ADPRM: variants seen among roughly 807,000 people sequenced by gnomAD.
The protein encoded by ADPRM is ADP-ribose/CDP-alcohol diphosphatase, manganese dependent.
ADPRM carries 17 observed loss-of-function variants against 27.2 expected under a neutral mutation model. That is an observed-to-expected ratio of 0.63 (90% CI 0.43 to 0.94). The LOEUF (loss-of-function observed/expected upper bound fraction) is 0.94. Among genes scored for constraint, ADPRM ranks in the 40% least tolerant of loss-of-function variants. The probability of loss-of-function intolerance (pLI) is 0.00; values close to 1 mark genes in which losing one functional copy is unlikely to be tolerated. For synonymous variants in ADPRM, 135 were observed against 145.3 expected, an observed-to-expected ratio of 0.93 and a Z score of 0.51; for missense variants, 337 against 412.8, an observed-to-expected ratio of 0.82 and a Z score of 1.59.
intron 1 of ADPRM, among the ~76,000 whole-genome samples, chr17:10,701,512 G>A (rs891325635): frequency 1.3e-5 from 2 of 151,708 alleles, no homozygotes; most frequent in African/African-American, 4.8e-5. Context: ...TGTATTTTTA[G>A]TAGAGATGGG....
chr17:10,710,333 C>T (rs1313126830), intron 3 of ADPRM, among the ~76,000 whole-genome samples: 2 of 152,204 alleles, frequency 1.3e-5, no homozygotes, highest in African/African-American at 2.4e-5. Flanking sequence ...AACTCCTGAC[C>T]TCAGGTGATC....
chr17:10,705,265 C>A lies in ADPRM; in HGVS notation c.339C>A (p.Phe113Leu). 6.2e-7 allele frequency: 1 copy of A among 1,614,016 alleles called. No individual in the cohort carries two copies. Residue 113 changes from phenylalanine (F) to leucine (L), a missense_variant, in exon 2 of 4, where the codon TTC (phenylalanine) becomes TTA (leucine). Coordinates refer to ENST00000379774, the MANE Select transcript of ADPRM (RefSeq NM_020233.5). The surrounding 1 kb of genome is among the most constrained non-coding windows in gnomAD (Gnocchi z 5.4). ...ATCATACATGGGGAAACCATGAATT[C>A]TATAACTTCAGTAGAGAGTATTTAA... ...PVHHTWGNHE[F>L]YNFSREYLTH... is the part of the protein sequence containing the mutation.
At chr17:10,706,080 A>T (rs576148228) in intron 2 of ADPRM, among the ~76,000 whole-genome samples, 1 of 152,220 alleles carries the variant, frequency 6.6e-6, no homozygotes, top group East Asian at 1.9e-4. Context: ...CTGCAAAGGC[A>T]CTAAATGGAG....
intron 3 of ADPRM, 47 bp from the exon 4 acceptor site, chr17:10,710,787 A>C (rs755015792): frequency 1.3e-6 from 2 of 1,533,128 alleles, no homozygotes; most frequent in Non-Finnish European, 1.8e-6. Flanking sequence ...TTTATAGAAG[A>C]GATATTTCTT....
At position 10,711,302 on chromosome 17, in the gene ADPRM, T is replaced by G; in HGVS notation, c.*158T>G. ...TGGTTGATAAAATACTCAGAAATGT[T>G]ATTTTGGATCATGTATCCATTGTAA... is the stretch of plus-strand genomic sequence containing the variant. On this transcript the variant is annotated 3_prime_UTR_variant, in exon 4 of 4. Transcript: ENST00000379774. 1 of 674,860 alleles carries G rather than the reference T, an allele frequency of 1.5e-6. No individual in the cohort carries two copies. The highest frequency in any genetic ancestry group is 2.0e-5 in the South Asian group (1 of 49,454). 41.8% of individuals were successfully genotyped at this position (674,860 alleles called of 1,614,324 possible).
intron 3 of ADPRM, 60 bp from the exon 4 acceptor site, chr17:10,710,774 A>G: frequency 1.3e-6 from 2 of 1,493,090 alleles, no homozygotes; most frequent in South Asian, 1.2e-5. Flanking sequence ...TTAGCCATTT[A>G]TTTTTATAGA....
At chr17:10,709,838 G>A (rs2074839537) in intron 3 of ADPRM, among the ~76,000 whole-genome samples, 1 of 152,226 alleles carries the variant, frequency 6.6e-6, no homozygotes, top group Admixed American at 6.5e-5. Flanking sequence ...AACGTGAGCT[G>A]TACTTCAGAG....
intron 1 of ADPRM, among the ~76,000 whole-genome samples, chr17:10,699,939 T>C (rs1323954491): frequency 6.6e-6 from 1 of 152,194 alleles, no homozygotes; most frequent in East Asian, 1.9e-4. Context: ...TTTAGGCTGG[T>C]TTGACTGGGG....
At chr17:10,697,704 C>T (rs1472010985) in intron 1 of ADPRM, 37 bp downstream of exon 1, 3 of 715,200 alleles carry the variant, frequency 4.2e-6, no homozygotes, top group South Asian at 1.7e-5. Flanking sequence ...GGGTCTGGCG[C>T]GGGCTGGGCG....
intron 1 of ADPRM, among the ~76,000 whole-genome samples, chr17:10,700,766 GAAA>G (rs571890298): frequency 8.9e-6 from 1 of 112,288 alleles, no homozygotes; most frequent in Non-Finnish European, 1.9e-5. Flanking sequence ...CCTGTCTCAG[GAAA>G]AAAAAAAAAA....
chr17:10,702,473 A>G lies in ADPRM; in HGVS notation c.-17-2437A>G, dbSNP rs997757553. ...TGTGTAACTAAATGACCAGTGTTCT[A>G]GCAGGGACAGGTGAATTTAGGTATT... On this transcript the variant is annotated intron_variant, in intron 1 of 3. Coordinates refer to ENST00000379774, the MANE Select transcript of ADPRM (RefSeq NM_020233.5). The surrounding 1 kb of genome is among the most constrained non-coding windows in gnomAD (Gnocchi z 4.2). Among the ~76,000 whole-genome samples, 7 of 152,246 alleles carry G rather than the reference A, an allele frequency of 4.6e-5. No homozygotes were observed. Among genetic ancestry groups the G allele is most frequent in the Non-Finnish European group, 1.0e-4 (7 of 68,038 alleles).
intron 1 of ADPRM, 50 bp from the exon 2 acceptor site, chr17:10,704,860 G>A: frequency 7.3e-7 from 1 of 1,368,376 alleles, no homozygotes; most frequent in Non-Finnish European, 9.9e-7. Context: ...AAGTGAAATT[G>A]GGAAATTAAA....
rs2074849960 is a variant in ADPRM at position 10,711,023 on chromosome 17, C to T, written c.908C>T (p.Ala303Val). 1 of 1,614,132 alleles carries T rather than the reference C, an allele frequency of 6.2e-7. No individual in the cohort carries two copies. The highest frequency in any genetic ancestry group is 1.1e-5 in the South Asian group (1 of 91,084). Residue 303 changes from alanine to valine, a missense_variant, in exon 4 of 4, where the codon GCT (alanine) becomes GTT (valine). Ala to Val is a moderately conservative substitution (Grantham distance 64, BLOSUM62 0). Transcript: ENST00000379774. ...AACCTAGAAGGAGTTATTGAAACAG[C>T]TCCAGACAGCCAAGCCTTTGGCACA... ...HVNLEGVIET[A>V]PDSQAFGTVH... is the part of the protein sequence containing the mutation.
intron 1 of ADPRM, among the ~76,000 whole-genome samples, chr17:10,698,561 T>C (rs1358475010): frequency 6.6e-6 from 1 of 152,176 alleles, no homozygotes; most frequent in Non-Finnish European, 1.5e-5. Context: ...TTTTCCCCCA[T>C]GGGACCGACT....
chr17:10,710,732 CA>C (rs1219785756), intron 3 of ADPRM, 101 bp from the exon 4 acceptor site: 21 of 1,020,166 alleles, frequency 2.1e-5, no homozygotes, highest in African/African-American at 4.5e-5. Context: ...AATGAGATAG[CA>C]ATTTTTTTTT....
Position 10,705,496 on chromosome 17 carries a change from C to T in ADPRM, c.570C>T (p.His190=). The T allele has an allele frequency of 6.2e-7, 1 of 1,613,790 alleles. No homozygotes were observed. The highest frequency in any genetic ancestry group is 8.5e-7 in the Non-Finnish European group (1 of 1,179,930). Residue 190 remains histidine, a synonymous_variant, in exon 2 of 4, where the codon CAC becomes CAT. Transcript: ENST00000379774. The surrounding 1 kb of genome is among the most constrained non-coding windows in gnomAD (Gnocchi z 5.4). ...YEQCMKILRE[H]NPNTELNSPQ... ...AGTGTATGAAGATATTGAGGGAGCA[C>T]AATCCAAATACGGAACTGAATAGTC...
chr17:10,707,880 C>T (rs575401195), intron 3 of ADPRM, among the ~76,000 whole-genome samples: 29 of 152,246 alleles, frequency 1.9e-4, no homozygotes, highest in African/African-American at 3.1e-4. Context: ...CGTGTATGTG[C>T]GCATGGGCAC....
At chr17:10,707,798 T>C (rs949074364) in intron 3 of ADPRM, among the ~76,000 whole-genome samples, 2 of 152,170 alleles carry the variant, frequency 1.3e-5, no homozygotes, top group African/African-American at 4.8e-5. Context: ...TGTATTTTCA[T>C]ATAGAATCAT....
In ADPRM at chr17:10,710,960, G is replaced by A. The variant is rs2074849342; in HGVS notation, c.845G>A (p.Gly282Asp). 1.2e-6 allele frequency: 2 copies of A among 1,614,130 alleles called. No homozygotes were observed. Among genetic ancestry groups the A allele is most frequent in the Non-Finnish European group, 8.5e-7 (1 of 1,180,040 alleles). The change falls in exon 4 of 4, where the codon GGT becomes GAT. Residue 282 changes from glycine (G) to aspartate (D), a missense_variant. Physicochemically the swap from Gly to Asp is moderately conservative, Grantham distance 94. Transcript: ENST00000379774. ...VCFFAGHTHD[G>D]GYSEDPFGVY... is the part of the protein sequence containing the mutation. Reference sequence around the variant, plus strand: ...TTCTTTGCTGGTCACACCCATGATGGTGGCTACTCTGAGGATCCTTTTGGT... The same window carrying A: ...TTCTTTGCTGGTCACACCCATGATGATGGCTACTCTGAGGATCCTTTTGGT...
Sources: gnomAD v4.1 joint callset for allele counts (sites outside exome capture counted in the v4.1 genomes callset) on GRCh38, gnomAD v4.1.1 for gene constraint, Gnocchi (gnomAD v3.1) non-coding constraint, MANE v1.5 for transcripts, NCBI Gene and HGNC (gene_info 2026-07-23, HGNC 2026-07-21) for gene names.